The following ARHGAP45 variants were observed in gnomAD, a reference collection of about 807,000 sequenced individuals.
ARHGAP45 encodes Rho GTPase activating protein 45.
ARHGAP45 carries 56 observed loss-of-function variants against 116.1 expected under a neutral mutation model. That is an observed-to-expected ratio of 0.48 (90% CI 0.39 to 0.60). The LOEUF (loss-of-function observed/expected upper bound fraction) is 0.60. Ranked by LOEUF, ARHGAP45 falls within the 20% of genes least tolerant of loss-of-function variation. The pLI is 0.00. For missense variants in ARHGAP45, 1,622 were observed against 1,601.0 expected (o/e 1.01, Z -0.22); for synonymous variants, 866 against 701.7 (o/e 1.23, Z -3.70).
intron 2 of ARHGAP45, among the ~76,000 whole-genome samples, chr19:1,072,629 A>G (rs1281804246): frequency 2.6e-5 from 4 of 152,094 alleles, no homozygotes; most frequent in African/African-American, 7.2e-5. Flanking sequence ...ATGGCTCCCT[A>G]TTGCCCTGGA....
At position 1,085,957 on chromosome 19, in the gene ARHGAP45, G is replaced by C; in HGVS notation, c.3362G>C (p.Gly1121Ala). ...CTGCCCCCCATGAGGCTCCGTGGCG[G>C]GCGGATGACACTGGGCTCCTGCAGG... ...APLPPMRLRG[G>A]RMTLGSCRER... The change falls in exon 23 of 23, where the codon GGG becomes GCG. Residue 1121 changes from glycine (G) to alanine (A), a missense_variant. By Grantham distance (60) the Gly-to-Ala change is moderately conservative. Around this residue, in one of 3 missense-constraint regions of ARHGAP45, gnomAD observed 1,334 missense variants for 1,263.8 expected, o/e 1.06. Coordinates refer to ENST00000313093, the MANE Select transcript of ARHGAP45 (RefSeq NM_012292.5). 6.2e-7 allele frequency: 1 copy of C among 1,612,932 alleles called. No homozygotes were observed. The highest frequency in any genetic ancestry group is 8.5e-7 in the Non-Finnish European group (1 of 1,179,940).
chr19:1,067,233 A>C lies in ARHGAP45; in HGVS notation c.-173A>C. On this transcript the variant is annotated 5_prime_UTR_variant, in exon 1 of 23. Transcript: ENST00000313093. ...CGAGGCCGCGTCGCCGCCTCCCCGA[A>C]GCCTTTTCCTGTTGGGGGGAGGGCC... The C allele has an allele frequency of 7.4e-7, 1 of 1,343,916 alleles. No homozygotes were observed. Among genetic ancestry groups the C allele is most frequent in the East Asian group, 3.1e-5 (1 of 31,780 alleles). The allele number at this position is 1,343,916 out of a possible 1,614,324, so 83.2% of individuals were successfully genotyped here.
Position 1,085,779 on chromosome 19 carries a change from G to A in ARHGAP45, c.3184G>A (p.Ala1062Thr). Residue 1062 changes from alanine (A) to threonine (T), a missense_variant, in exon 23 of 23, where the codon GCC becomes ACC. Ala to Thr is a moderately conservative substitution (Grantham distance 58). Transcript: ENST00000313093. Reference sequence around the variant, plus strand: ...CTTCCTGGAGCAGCAGCAGAGCGAGGCCAGCCTAGAGGTGGCTTCTGGCAG... The same window carrying A: ...CTTCCTGGAGCAGCAGCAGAGCGAGACCAGCCTAGAGGTGGCTTCTGGCAG... ...LSFLEQQQSE[A>T]SLEVASGSHS... 3 of 1,612,770 alleles carry A rather than the reference G, an allele frequency of 1.9e-6. No homozygotes were observed. Among genetic ancestry groups the A allele is most frequent in the Non-Finnish European group, 2.5e-6 (3 of 1,179,882 alleles).
Position 1,069,984 on chromosome 19 carries a change from T to C in ARHGAP45, c.421+1240T>C, listed in dbSNP as rs937785898. On this transcript the variant is annotated intron_variant, in intron 2 of 22. Coordinates refer to ENST00000313093, the MANE Select transcript of ARHGAP45 (RefSeq NM_012292.5). The surrounding 1 kb of genome is among the most constrained non-coding windows in gnomAD (Gnocchi z 4.1). ...GGCATGAGCCACTGCACCTGATTTA[T>C]TTTATTTTATTTATTTTATTTGAGA... Among the ~76,000 whole-genome samples, 1 of 151,890 alleles carries C rather than the reference T, an allele frequency of 6.6e-6. No homozygotes were observed. Among genetic ancestry groups the C allele is most frequent in the Non-Finnish European group, 1.5e-5 (1 of 67,980 alleles).
rs933574146 is a variant in ARHGAP45, at chr19:1,071,227, C to G, written c.422-1922C>G. On this transcript the variant is annotated intron_variant, in intron 2 of 22. Transcript: ENST00000313093. This position sits in a 1 kb window ranked among gnomAD's most constrained non-coding sequence, Gnocchi z 4.6. ...CCGGAGCCGGTTTGGCCACCGGAGA[C>G]CCCCATCGGTCAGCTGCCAGGCCCC... is the stretch of plus-strand genomic sequence containing the variant. 24 of 1,455,566 alleles carry G rather than the reference C, an allele frequency of 1.6e-5. No individual in the cohort carries two copies. The highest frequency in any genetic ancestry group is 2.0e-5 in the Non-Finnish European group (22 of 1,106,638). 90.2% of individuals were successfully genotyped at this position (1,455,566 alleles called of 1,614,324 possible).
rs547827178 is a variant in ARHGAP45 at position 1,069,549 on chromosome 19, G to C, written c.421+805G>C. On this transcript the variant is annotated intron_variant, in intron 2 of 22. Transcript: ENST00000313093. The surrounding 1 kb of genome is among the most constrained non-coding windows in gnomAD (Gnocchi z 4.1). ...CCTGACCCCTGGCTCACCCAGCCAG[G>C]GCAGGGCAGAGCCAGGACTGGACCT... 1.3e-5 allele frequency among the ~76,000 whole-genome samples: 2 copies of C among 151,958 alleles called. No individual in the cohort carries two copies. The highest frequency in any genetic ancestry group is 4.9e-5 in the African/African-American group (2 of 41,192).
Position 1,083,317 on chromosome 19 carries a change from C to T in ARHGAP45, c.2919C>T (p.Val973=). 1.9e-6 allele frequency: 3 copies of T among 1,566,418 alleles called. No individual in the cohort carries two copies. Among genetic ancestry groups the T allele is most frequent in the Non-Finnish European group, 2.6e-6 (3 of 1,156,106 alleles). The change falls in exon 21 of 23, where the codon GTC becomes GTT. Residue 973 remains valine (V), a synonymous_variant. Coordinates refer to ENST00000313093, the MANE Select transcript of ARHGAP45 (RefSeq NM_012292.5). ...IETLIVHYGL[V]FEEEPEETPG... is the part of the protein sequence containing the mutation. ...CTCTCATCGTCCACTACGGCCTGGTCTTCGAGGAGGAGCCGGAGGAGACCC... is the reference window on the plus strand; with the variant it reads ...CTCTCATCGTCCACTACGGCCTGGTTTTCGAGGAGGAGCCGGAGGAGACCC...
intron 3 of ARHGAP45, 71 bp from the exon 4 acceptor site, chr19:1,073,435 C>G: frequency 1.3e-6 from 2 of 1,570,064 alleles, no homozygotes; most frequent in Non-Finnish European, 1.7e-6. Flanking sequence ...TTAAGGGCTC[C>G]GGTCAGTTCT....
At position 1,082,954 on chromosome 19, in the gene ARHGAP45, T is replaced by C; in HGVS notation, c.2632T>C (p.Ser878Pro). 6.4e-7 allele frequency: 1 copy of C among 1,571,924 alleles called. No individual in the cohort carries two copies. The highest frequency in any genetic ancestry group is 8.6e-7 in the Non-Finnish European group (1 of 1,162,996). Residue 878 changes from serine (S) to proline (P), a missense_variant, in exon 20 of 23, where the codon TCG becomes CCG. Around this residue, in one of 3 missense-constraint regions of ARHGAP45, gnomAD observed 1,334 missense variants for 1,263.8 expected, o/e 1.06. Coordinates refer to ENST00000313093, the MANE Select transcript of ARHGAP45 (RefSeq NM_012292.5). ...KAASRGRQDG[S>P]ESEAVAVALA... ...GGCGTCCCGGGGCCGGCAGGACGGCTCGGAGAGCGAGGCAGTGGCGGTGGC... is the reference window on the plus strand; with the variant it reads ...GGCGTCCCGGGGCCGGCAGGACGGCCCGGAGAGCGAGGCAGTGGCGGTGGC...
In ARHGAP45 at chr19:1,083,157, A is replaced by C. The variant is rs750277079; in HGVS notation, c.2759A>C (p.Glu920Ala). The C allele has an allele frequency of 6.2e-7, 1 of 1,609,192 alleles. No homozygotes were observed. The highest frequency in any genetic ancestry group is 1.1e-5 in the South Asian group (1 of 90,630). ...CCACCCCGCAGGATCGTGGAGGTGG[A>C]GCAGGACAACAAGATGACCCCCGGG... ...LRHLRRIVEV[E>A]QDNKMTPGNL... The change falls in exon 21 of 23, where the codon GAG becomes GCG. Residue 920 changes from glutamate to alanine, a missense_variant. Around this residue, in one of 3 missense-constraint regions of ARHGAP45, gnomAD observed 1,334 missense variants for 1,263.8 expected, o/e 1.06. Transcript: ENST00000313093.
At chr19:1,066,083 T>A, upstream of ARHGAP45, 1 of 1,535,706 alleles carries the variant, frequency 6.5e-7, no homozygotes, top group Non-Finnish European at 8.7e-7. Context: ...CACTTGGACC[T>A]GGGCCTGGAG....
At chr19:1,066,217 G>A (rs1035076286), upstream of ARHGAP45, 31 of 1,494,734 alleles carry the variant, frequency 2.1e-5, 1 homozygote, top group Non-Finnish European at 6.3e-6. Flanking sequence ...TGGGATTGGG[G>A]GTGGGGTTCT....
chr19:1,084,441 G>A (rs949691863), intron 22 of ARHGAP45, 95 bp downstream of exon 22: 44 of 915,104 alleles, frequency 4.8e-5, no homozygotes, highest in Non-Finnish European at 7.0e-5. Flanking sequence ...ACGTGGCAGG[G>A]TCCACGGTGC....
intron 21 of ARHGAP45, 152 bp downstream of exon 21, chr19:1,083,505 G>A: frequency 1.5e-6 from 1 of 683,742 alleles, no homozygotes; most frequent in East Asian, 2.7e-5. Flanking sequence ...GTCTTTTTGT[G>A]TCTTTTATGC....
At chr19:1,072,581 AAC>A (rs1290191114) in intron 2 of ARHGAP45, among the ~76,000 whole-genome samples, 1 of 152,180 alleles carries the variant, frequency 6.6e-6, no homozygotes, top group Admixed American at 6.5e-5. Context: ...GCCAGGTTCC[AAC>A]AGTCAGATCT....
upstream of ARHGAP45, chr19:1,067,094 G>C: frequency 1.1e-6 from 1 of 952,110 alleles, no homozygotes; most frequent in Non-Finnish European, 1.3e-6. Flanking sequence ...GCGCGGCTCC[G>C]AGCTCCCGAA....
chr19:1,086,115 G>C lies in ARHGAP45; in HGVS notation c.*109G>C. ...TTAGGTGCGCCGTCCTGGGGTCGCT[G>C]CCGAGAGCGCCTGGACTTCGACGTC... On this transcript the variant is annotated 3_prime_UTR_variant, in exon 23 of 23. Transcript: ENST00000313093. 1 of 1,018,262 alleles carries C rather than the reference G, an allele frequency of 9.8e-7. No homozygotes were observed. The highest frequency in any genetic ancestry group is 2.6e-5 in the Admixed American group (1 of 39,102). The allele number at this position is 1,018,262 out of a possible 1,614,324, so 63.1% of individuals were successfully genotyped here.
rs375874808 is a variant in ARHGAP45, at chr19:1,080,567, G to A, written c.1912+20G>A. The stretch of plus-strand genomic sequence containing the variant: ...GCGCAGGTGAGGGAGGCTCTCTGGC[G>A]GGCTGGGGTGTGGAGCTGCCTCCTC... On this transcript the variant is annotated intron_variant, in intron 15 of 22. Coordinates refer to ENST00000313093, the MANE Select transcript of ARHGAP45 (RefSeq NM_012292.5). 1.1e-5 allele frequency: 18 copies of A among 1,611,552 alleles called. No homozygotes were observed. The highest frequency in any genetic ancestry group is 4.0e-5 in the African/African-American group (3 of 74,894).
At chr19:1,081,158 C>A in intron 17 of ARHGAP45, 94 bp downstream of exon 17, 2 of 1,382,394 alleles carry the variant, frequency 1.4e-6, no homozygotes, top group Non-Finnish European at 9.8e-7. Flanking sequence ...AATGTCCGGC[C>A]CAGAGCAGGG....
Sources: gnomAD v4.1 joint callset for allele counts (sites outside exome capture counted in the v4.1 genomes callset) on GRCh38, gnomAD v4.1.1 for gene constraint, gnomAD v4.1.1 regional missense constraint, Gnocchi (gnomAD v3.1) non-coding constraint, MANE v1.5 for transcripts, NCBI Gene and HGNC (gene_info 2026-07-23, HGNC 2026-07-21) for gene names.